Variants in KPNA6 observed in about 807,000 individuals in gnomAD.
KPNA6 encodes importin subunit alpha-7.
In KPNA6, 9 loss-of-function variants were observed where a neutral mutation model predicts 72.0. That is an observed-to-expected ratio of 0.13 (90% CI 0.08 to 0.22). The LOEUF is 0.22. KPNA6 is among the 10% of genes least tolerant of loss of function. The pLI is 1.00. For missense variants in KPNA6, 374 were observed against 655.7 expected, an observed-to-expected ratio of 0.57 and a Z score of 4.69; for synonymous variants, 219 against 242.1, an observed-to-expected ratio of 0.90 and a Z score of 0.89.
chr1:32,158,585 G>C (rs2124071016), intron 5 of KPNA6, among the ~76,000 whole-genome samples: 1 of 152,172 alleles, frequency 6.6e-6, no homozygotes, highest in East Asian at 1.9e-4. Context: ...AGTTATTATT[G>C]ACTATAGTCA....
intron 1 of KPNA6, among the ~76,000 whole-genome samples, chr1:32,141,837 C>T (rs530192639): frequency 2.6e-5 from 4 of 152,198 alleles, no homozygotes; most frequent in South Asian, 2.1e-4. Context: ...TGGCAGGAGT[C>T]GGTGCCTTAT....
At chr1:32,158,613 ATAG>A (rs1642185552) in intron 5 of KPNA6, among the ~76,000 whole-genome samples, 1 of 152,152 alleles carries the variant, frequency 6.6e-6, no homozygotes, top group Non-Finnish European at 1.5e-5. Context: ...GTGTTACCAA[ATAG>A]TAGGTCTTAT....
intron 1 of KPNA6, among the ~76,000 whole-genome samples, chr1:32,151,656 G>A (rs1165509618): frequency 6.6e-6 from 1 of 152,200 alleles, no homozygotes; most frequent in Non-Finnish European, 1.5e-5. Context: ...TGGGCAGAAA[G>A]CCAAGGAGAC....
chr1:32,115,803 C>G (rs1641319291), intron 1 of KPNA6, among the ~76,000 whole-genome samples: 1 of 151,940 alleles, frequency 6.6e-6, no homozygotes, highest in African/African-American at 2.4e-5. Flanking sequence ...GAGTGCAGTG[C>G]CATGATCTCA....
intron 12 of KPNA6, among the ~76,000 whole-genome samples, chr1:32,169,239 C>T (rs1642391859): frequency 6.6e-6 from 1 of 151,626 alleles, no homozygotes; most frequent in Non-Finnish European, 1.5e-5. Flanking sequence ...AGAATGGTGG[C>T]ACACACCTGT....
intron 1 of KPNA6, among the ~76,000 whole-genome samples, chr1:32,125,811 A>G (rs1641521664): frequency 6.6e-6 from 1 of 151,936 alleles, no homozygotes; most frequent in African/African-American, 2.4e-5. Context: ...CTTGTATAAC[A>G]CCTCCAGTGA....
chr1:32,169,004 A>G (rs755780186), intron 12 of KPNA6, among the ~76,000 whole-genome samples: 1 of 152,140 alleles, frequency 6.6e-6, no homozygotes, highest in Non-Finnish European at 1.5e-5. Context: ...AATGAACTAG[A>G]CCAACCACAT....
At position 32,108,898 on chromosome 1, in the gene KPNA6, G is replaced by T. The variant is rs935740658; in HGVS notation, c.4+764G>T. ...GGCCTCTGTTCAGAGAGAATACCAT[G>T]GCGAAGTCTTTGGATTTAGAGACAG... On this transcript the variant is annotated intron_variant, in intron 1 of 13. Coordinates refer to ENST00000373625, the MANE Select transcript of KPNA6 (RefSeq NM_012316.5). 3.9e-5 allele frequency among the ~76,000 whole-genome samples: 6 copies of T among 152,322 alleles called. No individual in the cohort carries two copies. The East Asian group carries it at 9.6e-4, about 24-fold the overall frequency.
intron 2 of KPNA6, 63 bp downstream of exon 2, chr1:32,154,784 C>G (rs1570052757): frequency 1.9e-6 from 3 of 1,560,122 alleles, no homozygotes; most frequent in Admixed American, 3.4e-5. Flanking sequence ...TGGTTGGCCT[C>G]CACCATGCAC....
chr1:32,115,831 C>G (rs2124521505), intron 1 of KPNA6, among the ~76,000 whole-genome samples: 1 of 152,264 alleles, frequency 6.6e-6, no homozygotes, highest in East Asian at 1.9e-4. Flanking sequence ...GCAACCTCTT[C>G]CTCCCAGATT....
chr1:32,111,631 G>A (rs1486045261), intron 1 of KPNA6, among the ~76,000 whole-genome samples: 1 of 152,168 alleles, frequency 6.6e-6, no homozygotes, highest in East Asian at 1.9e-4. Flanking sequence ...ACTAGTCCAA[G>A]GCTGGTATTC....
chr1:32,127,789 C>T (rs1641560237), intron 1 of KPNA6, among the ~76,000 whole-genome samples: 1 of 152,196 alleles, frequency 6.6e-6, no homozygotes, highest in Non-Finnish European at 1.5e-5. Context: ...CCACTTCAGA[C>T]CTTACCCACT....
Position 32,173,058 on chromosome 1 carries a change from A to C in KPNA6, c.*2164A>C, listed in dbSNP as rs1642466278. ...GTACCACCTTGGTGAGTCATATGCC[A>C]CTCATCAGCTTGGGAATGATGGCTG... is the stretch of plus-strand genomic sequence containing the variant. On this transcript the variant is annotated 3_prime_UTR_variant, in exon 14 of 14. Transcript: ENST00000373625. The C allele has an allele frequency of 2.5e-6, 1 of 396,874 alleles. No homozygotes were observed. Among genetic ancestry groups the C allele is most frequent in the Non-Finnish European group, 4.4e-6 (1 of 225,890 alleles). The allele number at this position is 396,874 out of a possible 1,614,324, so 24.6% of individuals were successfully genotyped here. A position where few individuals can be genotyped will look rare whatever the true frequency, so the allele number is the denominator to read the frequency against.
chr1:32,127,768 G>A (rs1641559881), intron 1 of KPNA6, among the ~76,000 whole-genome samples: 1 of 152,058 alleles, frequency 6.6e-6, no homozygotes, highest in Non-Finnish European at 1.5e-5. Flanking sequence ...TAACCATCTA[G>A]CCTTCAAAGA....
At chr1:32,152,777 G>A (rs538493218) in intron 1 of KPNA6, among the ~76,000 whole-genome samples, 36 of 151,990 alleles carry the variant, frequency 2.4e-4, no homozygotes, top group Non-Finnish European at 4.3e-4. Context: ...CCCAGGAGGC[G>A]GAGCTTGCAG....
At position 32,137,635 on chromosome 1, in the gene KPNA6, C is replaced by T. The variant is rs545809630; in HGVS notation, c.5-16953C>T. Among the ~76,000 whole-genome samples, 62 of 152,154 alleles carry T rather than the reference C, an allele frequency of 4.1e-4. No individual in the cohort carries two copies. In the South Asian group the frequency reaches 7.7e-3, roughly 19 times the overall value. The stretch of plus-strand genomic sequence containing the variant: ...GGCATGCTGTGTACTTTGCTATAGA[C>T]GCAAAGATAAGTAAAAGAGTTCTTG... On this transcript the variant is annotated intron_variant, in intron 1 of 13. Coordinates refer to ENST00000373625, the MANE Select transcript of KPNA6 (RefSeq NM_012316.5).
chr1:32,150,125 G>GTTTTTTTTTTT (rs1295389961), intron 1 of KPNA6, among the ~76,000 whole-genome samples: 1 of 119,608 alleles, frequency 8.4e-6, no homozygotes, highest in Non-Finnish European at 1.8e-5. Context: ...AAAATTTTTA[G>GTTTTTTTTTTT]TCTTTTTTTT....
Position 32,154,440 on chromosome 1 carries a change from T to A in KPNA6, c.5-148T>A, listed in dbSNP as rs979303830. On this transcript the variant is annotated intron_variant, in intron 1 of 13. Transcript: ENST00000373625. ...AAAGATACTGGGGCTGGGGGGTGGG[T>A]AGAGATGTCAGGTGCTATTGAGAGC... is the stretch of plus-strand genomic sequence containing the variant. 1.8e-5 allele frequency: 12 copies of A among 673,932 alleles called. No homozygotes were observed. In the African/African-American group the frequency reaches 1.9e-4, roughly 10 times the overall value. 41.7% of individuals were successfully genotyped at this position (673,932 alleles called of 1,614,324 possible). A position where few individuals can be genotyped will look rare whatever the true frequency, so the allele number is the denominator to read the frequency against.
In KPNA6 at chr1:32,172,771, T is replaced by G. The variant is rs1570086165; in HGVS notation, c.*1877T>G. ...CTGCCCCACCCCCACCTCCCCACTG[T>G]GGTTAGTCAGAGGCATCCTGCTCCA... On this transcript the variant is annotated 3_prime_UTR_variant, in exon 14 of 14. Coordinates refer to ENST00000373625, the MANE Select transcript of KPNA6 (RefSeq NM_012316.5). 1.9e-5 allele frequency: 4 copies of G among 214,760 alleles called. No individual in the cohort carries two copies. Among genetic ancestry groups the G allele is most frequent in the East Asian group, 9.3e-5 (1 of 10,744 alleles). 13.3% of individuals were successfully genotyped at this position (214,760 alleles called of 1,614,324 possible).
Sources: allele counts gnomAD v4.1 joint callset (sites outside exome capture counted in the v4.1 genomes callset), GRCh38; gene constraint gnomAD v4.1.1; transcripts MANE v1.5; gene names NCBI Gene and HGNC (gene_info 2026-07-23, HGNC 2026-07-21).